REV3L: variants seen among roughly 807,000 people sequenced by gnomAD.
REV3L encodes the protein REV3 like, DNA directed polymerase zeta catalytic subunit, also known as DNA polymerase zeta catalytic subunit.
Under a neutral mutation model 299.4 loss-of-function variants are expected in REV3L, and 69 were observed. The ratio of observed to expected loss-of-function variants is 0.23; its 90% CI spans 0.19 to 0.28. The LOEUF is 0.28. Ranked by LOEUF, REV3L falls within the 10% of genes least tolerant of loss-of-function variation. The probability of loss-of-function intolerance (pLI) is 1.00; values close to 1 mark genes in which losing one functional copy is unlikely to be tolerated. For synonymous variants in REV3L, 1,238 were observed against 1,271.4 expected, an observed-to-expected ratio of 0.97 and a Z score of 0.56; for missense variants, 3,128 against 3,693.8, an observed-to-expected ratio of 0.85 and a Z score of 3.97.
chr6:111,377,045 C>G (rs1477615735), intron 12 of REV3L, among the ~76,000 whole-genome samples: 2 of 152,134 alleles, frequency 1.3e-5, no homozygotes, highest in Non-Finnish European at 2.9e-5. Context: ...TAAAAATGTT[C>G]ATAAAATAAT....
chr6:111,480,663 T>A (rs779427615), intron 1 of REV3L, among the ~76,000 whole-genome samples: 20 of 152,228 alleles, frequency 1.3e-4, no homozygotes, highest in Middle Eastern at 3.4e-3. Flanking sequence ...CATGGCAAAT[T>A]CAATTTGATA....
chr6:111,407,319 G>T (rs1783749189), intron 3 of REV3L, among the ~76,000 whole-genome samples: 2 of 152,120 alleles, frequency 1.3e-5, no homozygotes, highest in Non-Finnish European at 2.9e-5. Context: ...AAACCCATGG[G>T]AGTAAATAAG....
rs145565542 is a variant in REV3L at position 111,325,937 on chromosome 6, T to C, written c.8242-3259A>G. 4.3e-4 allele frequency among the ~76,000 whole-genome samples: 65 copies of C among 152,336 alleles called. 2 individuals are homozygous for C. In the East Asian group the frequency reaches 9.4e-3, roughly 22 times the overall value. ...TTATCTCCCTCCCTCCCCACCTCAT[T>C]GCCTCTGGCAACCATCATTCTACTC... On this transcript the variant is annotated intron_variant, in intron 25 of 31. Coordinates refer to ENST00000368802, the MANE Select transcript of REV3L (RefSeq NM_001372078.1).
rs759217224 is a variant in REV3L at position 111,351,696 on chromosome 6, C to A, written c.7280G>T (p.Arg2427Leu). 6.2e-7 allele frequency: 1 copy of A among 1,612,792 alleles called. No individual in the cohort carries two copies. Among genetic ancestry groups the A allele is most frequent in the Non-Finnish European group, 8.5e-7 (1 of 1,179,274 alleles). Residue 2427 changes from arginine to leucine, a missense_variant, in exon 19 of 32, where the codon CGG (arginine) becomes CTG (leucine). Physicochemically the swap from Arg to Leu is moderately radical, Grantham distance 102. Around this residue, in one of 9 missense-constraint regions of REV3L, gnomAD observed 50 missense variants for 48.2 expected, o/e 1.04. Transcript: ENST00000368802. ...CATACCTGGCACCCGAGAGATCATC[C>A]GACATAAGTCAATACTTAAAGCGGC... ...RAAALSIDLC[R>L]MISRVPDDKI...
intron 1 of REV3L, chr6:111,431,194 G>C: frequency 6.4e-7 from 1 of 1,567,118 alleles, no homozygotes; most frequent in East Asian, 2.2e-5. Flanking sequence ...TTATCCATCT[G>C]TGATGGCAGA....
intron 3 of REV3L, among the ~76,000 whole-genome samples, chr6:111,410,325 C>G (rs1562268879): frequency 1.3e-5 from 2 of 152,158 alleles, no homozygotes; most frequent in African/African-American, 4.8e-5. Flanking sequence ...TTACTGAGAA[C>G]AGTTTAGTGT....
chr6:111,443,453 T>C (rs943664568), intron 1 of REV3L, among the ~76,000 whole-genome samples: 1 of 152,344 alleles, frequency 6.6e-6, no homozygotes, highest in East Asian at 1.9e-4. Context: ...CCTGCTTATA[T>C]GTGGATTTTA....
rs1453460033 is a variant in REV3L, at chr6:111,472,550, T to C, written c.139+10200A>G. 2.0e-5 allele frequency among the ~76,000 whole-genome samples: 3 copies of C among 151,008 alleles called. No individual in the cohort carries two copies. In the East Asian group the frequency reaches 5.8e-4, roughly 29 times the overall value. ...AAATTCTTAGTATTTCCCAAAACTA[T>C]CATCTAAAAAAATAGAATTGGCCAA... On this transcript the variant is annotated intron_variant, in intron 1 of 31. Coordinates refer to ENST00000368802, the MANE Select transcript of REV3L (RefSeq NM_001372078.1).
chr6:111,465,269 C>T (rs969003406), intron 1 of REV3L, among the ~76,000 whole-genome samples: 3 of 150,808 alleles, frequency 2.0e-5, no homozygotes, highest in Admixed American at 2.0e-4. Context: ...TTAGTAGAGA[C>T]GGGGTTTTGC....
chr6:111,434,458 C>CAA (rs932899626), intron 1 of REV3L, among the ~76,000 whole-genome samples: 12 of 145,456 alleles, frequency 8.2e-5, no homozygotes, highest in African/African-American at 3.0e-4. Flanking sequence ...AATAAAAATA[C>CAA]AAAAAAAAAA....
chr6:111,333,432 A>G, intron 22 of REV3L, 65 bp from the exon 23 acceptor site: 1 of 1,564,740 alleles, frequency 6.4e-7, no homozygotes, highest in Non-Finnish European at 8.7e-7. Flanking sequence ...ATTTGAATAT[A>G]TAATCATTTG....
intron 25 of REV3L, among the ~76,000 whole-genome samples, chr6:111,325,970 C>T (rs1275384601): frequency 6.6e-6 from 1 of 151,904 alleles, no homozygotes; most frequent in Non-Finnish European, 1.5e-5. Flanking sequence ...CTCTCTATCT[C>T]CATGAGTTCC....
intron 1 of REV3L, among the ~76,000 whole-genome samples, chr6:111,465,745 C>CAAAAAAAAAAAAAAAAAAAA (rs376561912): frequency 1.3e-5 from 1 of 76,836 alleles, no homozygotes; most frequent in East Asian, 5.2e-4. Context: ...AAACAAAAAC[C>CAAAAAAAAAAAAAAAAAAAA]AAAAAAAAAA....
intron 20 of REV3L, chr6:111,348,951 G>A: frequency 4.7e-6 from 1 of 214,912 alleles, no homozygotes; most frequent in East Asian, 1.1e-4. Flanking sequence ...ACTGCACCTG[G>A]CCCCAATATT....
intron 1 of REV3L, among the ~76,000 whole-genome samples, chr6:111,444,621 T>C (rs1234538702): frequency 6.6e-6 from 1 of 152,204 alleles, no homozygotes; most frequent in Non-Finnish European, 1.5e-5. Context: ...ACTGATAATA[T>C]ATCAAATGAT....
intron 1 of REV3L, among the ~76,000 whole-genome samples, chr6:111,443,268 C>G (rs954138024): frequency 6.6e-6 from 1 of 152,040 alleles, no homozygotes; most frequent in Non-Finnish European, 1.5e-5. Context: ...CATGCCTCAG[C>G]CTTCCGAGTA....
intron 30 of REV3L, chr6:111,308,342 T>C (rs1359977046): frequency 2.3e-6 from 1 of 440,172 alleles, no homozygotes; most frequent in Non-Finnish European, 4.6e-6. Context: ...AGAATCTGAG[T>C]TTCCTGCCTT....
At chr6:111,380,544 C>T (rs1362524781) in intron 10 of REV3L, among the ~76,000 whole-genome samples, 1 of 152,180 alleles carries the variant, frequency 6.6e-6, no homozygotes, top group African/African-American at 2.4e-5. Flanking sequence ...CAGGCGTGAG[C>T]CACCACGCCC....
chr6:111,360,616 T>C (rs1293705971), intron 16 of REV3L: 4 of 151,684 alleles, frequency 2.6e-5, no homozygotes, highest in Non-Finnish European at 2.9e-5. Context: ...GCTGGGACTA[T>C]AGGTACATAT....
Sources: gnomAD v4.1 joint callset for allele counts (sites outside exome capture counted in the v4.1 genomes callset) on GRCh38, gnomAD v4.1.1 for gene constraint, gnomAD v4.1.1 regional missense constraint, MANE v1.5 for transcripts, NCBI Gene and HGNC (gene_info 2026-07-23, HGNC 2026-07-21) for gene names.